Variants in KIF16B observed in about 807,000 individuals in gnomAD.
The protein encoded by KIF16B is kinesin family member 16B.
Under a neutral mutation model 156.3 loss-of-function variants are expected in KIF16B, and 98 were observed. That is an observed-to-expected ratio of 0.63 (90% CI 0.53 to 0.74). The LOEUF (loss-of-function observed/expected upper bound fraction) is 0.74. Ranked by LOEUF, KIF16B falls within the 30% of genes least tolerant of loss-of-function variation. The pLI, the probability that KIF16B is intolerant of heterozygous loss-of-function variation, is 0.00. For missense variants in KIF16B, 1,421 were observed against 1,606.5 expected, an observed-to-expected ratio of 0.88 and a Z score of 1.97; for synonymous variants, 564 against 583.7, an observed-to-expected ratio of 0.97 and a Z score of 0.49.
chr20:16,430,319 TTG>T (rs1347378737), intron 12 of KIF16B, among the ~76,000 whole-genome samples: 1 of 152,180 alleles, frequency 6.6e-6, no homozygotes, highest in African/African-American at 2.4e-5. Flanking sequence ...TATCAAGATG[TTG>T]CCTTAGTTGA....
intron 1 of KIF16B, among the ~76,000 whole-genome samples, chr20:16,540,551 C>T (rs952590752): frequency 6.6e-6 from 1 of 152,170 alleles, no homozygotes; most frequent in Non-Finnish European, 1.5e-5. Flanking sequence ...GACAGCTCCT[C>T]GTGCCCTTGC....
chr20:16,351,600 G>C (rs1379206411), intron 23 of KIF16B, among the ~76,000 whole-genome samples: 1 of 152,170 alleles, frequency 6.6e-6, no homozygotes, highest in East Asian at 1.9e-4. Context: ...TTTCAGCCTA[G>C]AACGTGCTGT....
intron 23 of KIF16B, among the ~76,000 whole-genome samples, chr20:16,345,096 C>G (rs2064207503): frequency 2.0e-5 from 3 of 152,194 alleles, no homozygotes; most frequent in South Asian, 4.1e-4. Context: ...CTCGTCTGCA[C>G]TCACTGAAAT....
At chr20:16,450,536 C>A (rs1568548687) in intron 12 of KIF16B, among the ~76,000 whole-genome samples, 1 of 152,206 alleles carries the variant, frequency 6.6e-6, no homozygotes, top group Non-Finnish European at 1.5e-5. Context: ...CACACCTCCC[C>A]ACCTGCCCCA....
intron 1 of KIF16B, among the ~76,000 whole-genome samples, chr20:16,571,755 G>A (rs978896192): frequency 1.3e-5 from 2 of 151,238 alleles, no homozygotes; most frequent in African/African-American, 2.4e-5. Context: ...TCAACCTCAC[G>A]AGTAGCTGGG....
chr20:16,291,523 A>G (rs534387230), intron 25 of KIF16B, among the ~76,000 whole-genome samples: 6 of 152,348 alleles, frequency 3.9e-5, no homozygotes, highest in African/African-American at 1.4e-4. Context: ...CAATGCTGCA[A>G]TAGGACACAG....
intron 23 of KIF16B, among the ~76,000 whole-genome samples, chr20:16,354,877 C>T (rs984062237): frequency 3.3e-5 from 5 of 151,972 alleles, no homozygotes; most frequent in Middle Eastern, 3.4e-3. Flanking sequence ...ACCCGGGAGG[C>T]GGAGGTTGCA....
chr20:16,482,914 G>A (rs185297601), intron 12 of KIF16B, among the ~76,000 whole-genome samples: 113 of 152,194 alleles, frequency 7.4e-4, no homozygotes, highest in African/African-American at 2.6e-3. Context: ...ACTCCAAAGG[G>A]CTCCAGAGGT....
chr20:16,507,100 A>G (rs75891560), intron 7 of KIF16B, among the ~76,000 whole-genome samples: 109 of 79,134 alleles, frequency 1.4e-3, no homozygotes, highest in South Asian at 2.9e-3. Flanking sequence ...ATCATGTCTC[A>G]AAAAAAAAAA....
At chr20:16,563,558 A>G (rs1394977260) in intron 1 of KIF16B, among the ~76,000 whole-genome samples, 1 of 152,216 alleles carries the variant, frequency 6.6e-6, no homozygotes, top group African/African-American at 2.4e-5. Context: ...GAAACAAGGA[A>G]GTATCACATC....
chr20:16,301,796 T>C (rs1008088835), intron 25 of KIF16B, among the ~76,000 whole-genome samples: 3 of 152,036 alleles, frequency 2.0e-5, no homozygotes, highest in Non-Finnish European at 4.4e-5. Context: ...ATTACAGGCA[T>C]GCACCACTAC....
chr20:16,561,298 A>G (rs1166413248), intron 1 of KIF16B, among the ~76,000 whole-genome samples: 1 of 152,194 alleles, frequency 6.6e-6, no homozygotes, highest in Non-Finnish European at 1.5e-5. Flanking sequence ...TGTCTCAAAA[A>G]AAAGTAGTAG....
intron 12 of KIF16B, among the ~76,000 whole-genome samples, chr20:16,478,002 C>T (rs777930438): frequency 4.6e-5 from 7 of 152,022 alleles, no homozygotes; most frequent in African/African-American, 1.5e-4. Flanking sequence ...CAGAAGGTAC[C>T]GATGGGCATC....
intron 25 of KIF16B, among the ~76,000 whole-genome samples, chr20:16,296,861 T>C (rs189226916): frequency 1.3e-5 from 2 of 152,372 alleles, no homozygotes; most frequent in Admixed American, 6.5e-5. Flanking sequence ...AGATTAATGT[T>C]TGAATCAGTA....
At chr20:16,446,614 TA>T (rs1217869338) in intron 12 of KIF16B, among the ~76,000 whole-genome samples, 70 of 152,276 alleles carry the variant, frequency 4.6e-4, no homozygotes, top group African/African-American at 1.6e-3. Context: ...AACAATTCCT[TA>T]AAACAGACTA....
intron 17 of KIF16B, among the ~76,000 whole-genome samples, chr20:16,403,664 G>A (rs529354416): frequency 9.2e-5 from 14 of 152,294 alleles, no homozygotes; most frequent in Non-Finnish European, 1.5e-4. Context: ...AGTTCAGGCA[G>A]GTGTTGGATT....
intron 6 of KIF16B, among the ~76,000 whole-genome samples, chr20:16,510,895 C>T (rs535874327): frequency 1.9e-4 from 29 of 152,198 alleles, no homozygotes; most frequent in South Asian, 1.7e-3. Context: ...TAAATCCAGC[C>T]GATTCTTAAA....
chr20:16,561,907 G>A (rs779504257), intron 1 of KIF16B, among the ~76,000 whole-genome samples: 30 of 152,192 alleles, frequency 2.0e-4, no homozygotes, highest in Non-Finnish European at 1.0e-4. Flanking sequence ...TCACGTACCA[G>A]AGAAGACTCA....
chr20:16,318,370 G>A (rs1349097791), intron 24 of KIF16B, among the ~76,000 whole-genome samples: 1 of 152,074 alleles, frequency 6.6e-6, no homozygotes, highest in East Asian at 1.9e-4. Context: ...AGAGCCCAAA[G>A]AAGTAAATAA....
Sources: allele counts gnomAD v4.1 joint callset (sites outside exome capture counted in the v4.1 genomes callset), GRCh38; gene constraint gnomAD v4.1.1; transcripts MANE v1.5; gene names NCBI Gene and HGNC (gene_info 2026-07-23, HGNC 2026-07-21).